Variants in PIK3IP1 observed in about 807,000 individuals in gnomAD.
PIK3IP1 encodes phosphoinositide-3-kinase interacting protein 1.
A neutral mutation model predicts 30.7 loss-of-function variants in PIK3IP1; 28 were observed. The observed-to-expected ratio is 0.91, with a 90% confidence interval of 0.68 to 1.25. The LOEUF (loss-of-function observed/expected upper bound fraction) is 1.25, where lower values mean the gene tolerates loss of function less well. Ranked by LOEUF, PIK3IP1 falls within the 50% of genes most tolerant of loss-of-function variation. PIK3IP1 has a pLI of 0.00. For synonymous variants in PIK3IP1, 159 were observed against 140.8 expected (o/e 1.13, Z -0.91); for missense variants, 333 against 346.2 (o/e 0.96, Z 0.30).
At chr22:31,283,938 C>G (rs1452258550) in intron 5 of PIK3IP1, among the ~76,000 whole-genome samples, 3 of 151,842 alleles carry the variant, frequency 2.0e-5, no homozygotes, top group Admixed American at 6.6e-5. Flanking sequence ...GAGTTTCGTG[C>G]TTTTTGCCCA....
rs1162698546 is a variant in PIK3IP1 at position 31,282,450 on chromosome 22, G to A, written c.*634C>T. On this transcript the variant is annotated 3_prime_UTR_variant, in exon 6 of 6. Transcript: ENST00000215912. ...CAATTCTTCCTTTCCTTATGAAACA[G>A]GAAGAGTCCCTGGGCCCAGGCCTGG... 1 of 152,554 alleles carries A rather than the reference G, an allele frequency of 6.6e-6. No homozygotes were observed. The highest frequency in any genetic ancestry group is 1.5e-5 in the Non-Finnish European group (1 of 68,102). 9.5% of individuals were successfully genotyped at this position (152,554 alleles called of 1,614,324 possible). A position where few individuals can be genotyped will look rare whatever the true frequency, so the allele number is the denominator to read the frequency against.
rs539262468 is a variant in PIK3IP1, at chr22:31,282,465, C to T, written c.*619G>A. 1.3e-5 allele frequency: 2 copies of T among 152,730 alleles called. No individual in the cohort carries two copies. Among genetic ancestry groups the T allele is most frequent in the South Asian group, 2.1e-4 (1 of 4,820 alleles). The allele number at this position is 152,730 out of a possible 1,614,324, so 9.5% of individuals were successfully genotyped here. ...TTATGAAACAGGAAGAGTCCCTGGG[C>T]CCAGGCCTGGCCCACGGTTGTCAAG... On this transcript the variant is annotated 3_prime_UTR_variant, in exon 6 of 6. Transcript: ENST00000215912.
At chr22:31,292,191 CA>C in intron 1 of PIK3IP1, 83 bp downstream of exon 1, 1 of 1,363,584 alleles carries the variant, frequency 7.3e-7, no homozygotes, top group Non-Finnish European at 1.0e-6. Flanking sequence ...CGTTTCCTGT[CA>C]TCCTGGCCCT....
chr22:31,290,600 G>A (rs1053222393), intron 3 of PIK3IP1: 1 of 200,818 alleles, frequency 5.0e-6, no homozygotes, highest in Non-Finnish European at 1.0e-5. Context: ...GTGTGTCAGG[G>A]GAGGTTGGGG....
In PIK3IP1 at chr22:31,292,315, G is replaced by T. The variant is rs2049186977; in HGVS notation, c.30C>A (p.Leu10=). The T allele has an allele frequency of 6.2e-7, 1 of 1,614,030 alleles. No individual in the cohort carries two copies. The highest frequency in any genetic ancestry group is 1.3e-5 in the African/African-American group (1 of 74,926). MLLAWVQAF[L]VSNMLLAEAY... ...CTTCTGCTAGGAGCATGTTGCTGAC[G>T]AGGAATGCTTGTACCCAGGCCAACA... Residue 10 remains leucine, a synonymous_variant, in exon 1 of 6, where the codon CTC becomes CTA. Coordinates refer to ENST00000215912, the MANE Select transcript of PIK3IP1 (RefSeq NM_052880.5).
intron 2 of PIK3IP1, 33 bp from the exon 3 acceptor site, chr22:31,291,117 G>A: frequency 6.5e-7 from 1 of 1,540,986 alleles, no homozygotes; most frequent in Non-Finnish European, 8.7e-7. Context: ...GTGTGCCGGG[G>A]CTGGCACCGG....
upstream of PIK3IP1, chr22:31,292,490 G>T (rs2049188730): frequency 1.5e-6 from 1 of 649,504 alleles, no homozygotes; most frequent in Non-Finnish European, 2.7e-6. Context: ...TTTAGAACTG[G>T]GAGCTTCCCA....
chr22:31,284,596 T>C (rs1023685626), intron 5 of PIK3IP1, among the ~76,000 whole-genome samples: 1 of 152,226 alleles, frequency 6.6e-6, no homozygotes, highest in Admixed American at 6.5e-5. Context: ...TAGCCCCTTC[T>C]CACTGCTTGG....
rs748160839 is a variant in PIK3IP1 at position 31,283,116 on chromosome 22, G to C, written c.760C>G (p.Leu254Val). The change falls in exon 6 of 6, where the codon CTT becomes GTT. Residue 254 changes from leucine (L) to valine (V), a missense_variant. Transcript: ENST00000215912. ...CCAGGAGTCCCGGCCTGGCCCATAA[G>C]GGGGGTGGTGCCCTCCTGAGGGTCA... ...PVDPQEGTTP[L>V]MGQAGTPGA 37 of 1,610,974 alleles carry C rather than the reference G, an allele frequency of 2.3e-5. No individual in the cohort carries two copies. Among genetic ancestry groups the C allele is most frequent in the South Asian group, 1.2e-4 (11 of 90,598 alleles).
chr22:31,291,556 G>GTTT (rs2049179916), intron 1 of PIK3IP1, among the ~76,000 whole-genome samples: 1 of 150,208 alleles, frequency 6.7e-6, no homozygotes, highest in African/African-American at 2.5e-5. Flanking sequence ...AGACTGTTAG[G>GTTT]TTTTATTTAT....
At chr22:31,287,771 G>A (rs1030170651) in intron 5 of PIK3IP1, among the ~76,000 whole-genome samples, 3 of 152,174 alleles carry the variant, frequency 2.0e-5, no homozygotes, top group African/African-American at 7.2e-5. Flanking sequence ...GGGTCACAGA[G>A]ATAGCTAGTT....
chr22:31,289,549 C>A lies in PIK3IP1; in HGVS notation c.458G>T (p.Ser153Ile). Residue 153 changes from serine to isoleucine, a missense_variant, in exon 4 of 6, where the codon AGC becomes ATC. Ser to Ile is a moderately radical substitution (Grantham distance 142). Around this residue, in one of 3 missense-constraint regions of PIK3IP1, gnomAD observed 217 missense variants for 227.7 expected, o/e 0.95. Transcript: ENST00000215912. ...AAAVQPVIGISQRVRMNSKEK... is the reference protein window; with the variant it reads ...AAAVQPVIGIIQRVRMNSKEK... ...CTTGGAGTTCATCCGCACCCGCTGGCTGATCCCAATCACTGGCTGCACAGC... is the reference window on the plus strand; with the variant it reads ...CTTGGAGTTCATCCGCACCCGCTGGATGATCCCAATCACTGGCTGCACAGC... 6.4e-7 allele frequency: 1 copy of A among 1,555,792 alleles called. No homozygotes were observed.
At chr22:31,289,018 T>A in intron 5 of PIK3IP1, 1 of 520,372 alleles carries the variant, frequency 1.9e-6, no homozygotes, top group East Asian at 3.1e-5. Flanking sequence ...AAGAGCTGGG[T>A]CTGAATCCAG....
chr22:31,290,952 C>T lies in PIK3IP1; in HGVS notation c.307+13G>A. The T allele has an allele frequency of 6.4e-7, 1 of 1,565,208 alleles. No individual in the cohort carries two copies. The highest frequency in any genetic ancestry group is 8.6e-7 in the Non-Finnish European group (1 of 1,160,076). Reference sequence around the variant, plus strand: ...CGCCAGGAGCGGGGATTCCCGGGGTCCCGGGCAGGTACCTGGACAGCGCAG... The same window carrying T: ...CGCCAGGAGCGGGGATTCCCGGGGTTCCGGGCAGGTACCTGGACAGCGCAG... On this transcript the variant is annotated intron_variant, in intron 3 of 5. Transcript: ENST00000215912.
intron 3 of PIK3IP1, 76 bp from the exon 4 acceptor site, chr22:31,289,775 T>C (rs986018955): frequency 6.8e-7 from 1 of 1,467,726 alleles, no homozygotes; most frequent in Non-Finnish European, 9.3e-7. Flanking sequence ...GGCCTGAGTG[T>C]TAGGGTAGAT....
chr22:31,290,015 CT>C (rs1193828589), intron 3 of PIK3IP1: 1 of 298,324 alleles, frequency 3.4e-6, no homozygotes, highest in Non-Finnish European at 6.4e-6. Flanking sequence ...ATTCCCCCCA[CT>C]TCTACTTCAG....
intron 5 of PIK3IP1, among the ~76,000 whole-genome samples, chr22:31,285,065 A>T (rs1479853240): frequency 6.6e-6 from 1 of 152,156 alleles, no homozygotes; most frequent in Non-Finnish European, 1.5e-5. Context: ...GTGTAGAGGA[A>T]GCTGCTGCCT....
rs541212641 is a variant in PIK3IP1 at position 31,283,112 on chromosome 22, A to G, written c.764T>C (p.Met255Thr). The change falls in exon 6 of 6, where the codon ATG (methionine) becomes ACG (threonine). Residue 255 changes from methionine (M) to threonine (T), a missense_variant. Met to Thr is a moderately conservative substitution (Grantham distance 81). Coordinates refer to ENST00000215912, the MANE Select transcript of PIK3IP1 (RefSeq NM_052880.5). The part of the protein sequence containing the change: ...VDPQEGTTPL[M>T]GQAGTPGA ...GGCCCCAGGAGTCCCGGCCTGGCCC[A>G]TAAGGGGGGTGGTGCCCTCCTGAGG... 3.3e-5 allele frequency: 53 copies of G among 1,609,852 alleles called. No individual in the cohort carries two copies. The highest frequency in any genetic ancestry group is 1.7e-4 in the Middle Eastern group (1 of 5,944).
rs1195915677 is a variant in PIK3IP1 at position 31,291,164 on chromosome 22, C to A, written c.187+16G>T. ...CCGCCCGCCAGCCCCGGGGCCGTCC[C>A]CCGGAGGACACTTACCCGACACGGG... On this transcript the variant is annotated intron_variant, in intron 2 of 5. Coordinates refer to ENST00000215912, the MANE Select transcript of PIK3IP1 (RefSeq NM_052880.5). 1.3e-6 allele frequency: 2 copies of A among 1,541,506 alleles called. No homozygotes were observed. Among genetic ancestry groups the A allele is most frequent in the South Asian group, 1.2e-5 (1 of 83,652 alleles).
Sources: gnomAD v4.1 joint callset for allele counts (sites outside exome capture counted in the v4.1 genomes callset) on GRCh38, gnomAD v4.1.1 for gene constraint, gnomAD v4.1.1 regional missense constraint, MANE v1.5 for transcripts, NCBI Gene and HGNC (gene_info 2026-07-23, HGNC 2026-07-21) for gene names.